Variants in CABIN1 observed in about 807,000 individuals in gnomAD.
The protein encoded by CABIN1 is calcineurin-binding protein cabin-1.
A neutral mutation model predicts 227.7 loss-of-function variants in CABIN1; 133 were observed. The observed-to-expected ratio is 0.58, with a 90% CI of 0.51 to 0.67. CABIN1 has a LOEUF of 0.67. Among genes scored for constraint, CABIN1 ranks in the 30% least tolerant of loss-of-function variants. The pLI, the probability that CABIN1 is intolerant of heterozygous loss-of-function variation, is 0.00. For missense variants in CABIN1, 2,408 were observed against 2,852.5 expected (o/e 0.84, Z 3.55); for synonymous variants, 1,086 against 1,155.1 (o/e 0.94, Z 1.21).
At chr22:24,176,552 G>A (rs112350645) in intron 35 of CABIN1, among the ~76,000 whole-genome samples, 6 of 152,268 alleles carry the variant, frequency 3.9e-5, no homozygotes, top group Non-Finnish European at 5.9e-5. Flanking sequence ...GGGTACTAGC[G>A]AGGGCAGGCG....
chr22:24,018,784 A>G (rs2035488114), intron 1 of CABIN1, among the ~76,000 whole-genome samples: 2 of 151,946 alleles, frequency 1.3e-5, no homozygotes, highest in Non-Finnish European at 2.9e-5. Flanking sequence ...GAATTTTAGT[A>G]TCAACTTGTC....
chr22:24,163,831 A>T (rs868428238), intron 29 of CABIN1, among the ~76,000 whole-genome samples: 6 of 152,302 alleles, frequency 3.9e-5, no homozygotes, highest in Middle Eastern at 6.8e-3. Context: ...CCCCAAAGTC[A>T]ACTTTGCCCT....
chr22:24,032,064 G>A (rs1034373803), intron 1 of CABIN1, among the ~76,000 whole-genome samples: 1 of 152,184 alleles, frequency 6.6e-6, no homozygotes, highest in Non-Finnish European at 1.5e-5. Flanking sequence ...TCACATTGTT[G>A]TGTTACCATC....
Position 24,091,617 on chromosome 22 carries a change from C to G in CABIN1, c.3560C>G (p.Ala1187Gly). ...EGRRDSMLET[A>G]KHCFTSAARC... ...CGGCGCGACAGCATGCTAGAGACAG[C>G]CAAGCACTGTTTCACATCAGCAGCC... Residue 1187 changes from alanine to glycine, a missense_variant, in exon 24 of 37, where the codon GCC becomes GGC. Around this residue, in one of 3 missense-constraint regions of CABIN1, gnomAD observed 649 missense variants for 910.3 expected, o/e 0.71. Transcript: ENST00000263119. 6.2e-7 allele frequency: 1 copy of G among 1,614,220 alleles called. No homozygotes were observed. The highest frequency in any genetic ancestry group is 1.1e-5 in the South Asian group (1 of 91,088).
rs2041059403 is a variant in CABIN1, at chr22:24,084,995, T to TCA, written c.3118-9_3118-8dup. 1 of 1,614,092 alleles carries TCA rather than the reference T, an allele frequency of 6.2e-7. No individual in the cohort carries two copies. The highest frequency in any genetic ancestry group is 1.3e-5 in the African/African-American group (1 of 74,926). On this transcript the variant is annotated splice_polypyrimidine_tract_variant and intron_variant, in intron 21 of 36. Coordinates refer to ENST00000263119, the MANE Select transcript of CABIN1 (RefSeq NM_012295.4). ...TCCACCTCCCCTCATACTTTTCCTCTCACCTGCCAGGTACCCTGCCTCCCA... is the reference window on the plus strand; with the variant it reads ...TCCACCTCCCCTCATACTTTTCCTCTCACACCTGCCAGGTACCCTGCCTCCCA...
In CABIN1 at chr22:24,056,379, G is replaced by A. The variant is rs757655490; in HGVS notation, c.1262+19G>A. On this transcript the variant is annotated intron_variant, in intron 10 of 36. Coordinates refer to ENST00000263119, the MANE Select transcript of CABIN1 (RefSeq NM_012295.4). ...CGTCCAGGTACTGTGTATTTTTTCT[G>A]ATTGTCAGAAACAAACCCACAAAGC... 1.2e-6 allele frequency: 2 copies of A among 1,613,166 alleles called. No individual in the cohort carries two copies. The highest frequency in any genetic ancestry group is 1.7e-6 in the Non-Finnish European group (2 of 1,179,376).
Position 24,084,689 on chromosome 22 carries a change from C to T in CABIN1, c.3021C>T (p.Asn1007=). The change falls in exon 21 of 37, where the codon AAC becomes AAT. Residue 1007 remains asparagine (N), a synonymous_variant. Transcript: ENST00000263119. ...GCACCGTGTCTGCTGACTTGGCCAA[C>T]CTACTGAAGAGAATTGCCACCATTG... is the stretch of plus-strand genomic sequence containing the variant. ...KTSTVSADLA[N]LLKRIATIVP... The T allele has an allele frequency of 6.2e-7, 1 of 1,614,178 alleles. No homozygotes were observed. The highest frequency in any genetic ancestry group is 8.5e-7 in the Non-Finnish European group (1 of 1,180,030).
At chr22:24,110,207 T>C (rs973485768) in intron 26 of CABIN1, among the ~76,000 whole-genome samples, 21 of 152,234 alleles carry the variant, frequency 1.4e-4, no homozygotes, top group Admixed American at 1.2e-3. Context: ...TCTCTACTAT[T>C]GGTTTATTAT....
chr22:24,071,080 C>T, intron 17 of CABIN1, 38 bp downstream of exon 17: 1 of 1,613,976 alleles, frequency 6.2e-7, no homozygotes, highest in South Asian at 1.1e-5. Context: ...CCTGCCCCAG[C>T]AGGTATGTCT....
In CABIN1 at chr22:24,121,633, G is replaced by A. The variant is rs1411118431; in HGVS notation, c.4632+1935G>A. On this transcript the variant is annotated intron_variant, in intron 28 of 36. Coordinates refer to ENST00000263119, the MANE Select transcript of CABIN1 (RefSeq NM_012295.4). ...GTCCTCACTGCTGAAGCCGTCTTTG[G>A]GCCTGAGGGGCAATGGCTGATATGA... Among the ~76,000 whole-genome samples, 4 of 152,302 alleles carry A rather than the reference G, an allele frequency of 2.6e-5. No individual in the cohort carries two copies. In the East Asian group the frequency reaches 7.7e-4, roughly 29 times the overall value.
intron 29 of CABIN1, among the ~76,000 whole-genome samples, chr22:24,150,240 T>C (rs2045402252): frequency 6.6e-6 from 1 of 152,236 alleles, no homozygotes; most frequent in African/African-American, 2.4e-5. Flanking sequence ...CTGAGTGTAC[T>C]ACTGTGTGAG....
At chr22:24,086,730 C>G (rs1320110437) in intron 22 of CABIN1, among the ~76,000 whole-genome samples, 1 of 152,216 alleles carries the variant, frequency 6.6e-6, no homozygotes, top group Non-Finnish European at 1.5e-5. Context: ...GTCTTGGTGT[C>G]TCTGTGGCCA....
chr22:24,105,710 C>G (rs373174434), intron 26 of CABIN1, among the ~76,000 whole-genome samples: 3 of 152,186 alleles, frequency 2.0e-5, no homozygotes, highest in Non-Finnish European at 2.9e-5. Flanking sequence ...AGAGGCTTTC[C>G]ATCTGTCTCT....
At chr22:24,170,662 G>A (rs1471664988) in intron 33 of CABIN1, among the ~76,000 whole-genome samples, 2 of 152,064 alleles carry the variant, frequency 1.3e-5, no homozygotes, top group Non-Finnish European at 2.9e-5. Flanking sequence ...GAGTCCACAG[G>A]GGCCCGTCCT....
At chr22:24,116,938 G>A (rs1474659120) in intron 27 of CABIN1, among the ~76,000 whole-genome samples, 1 of 152,236 alleles carries the variant, frequency 6.6e-6, no homozygotes. Context: ...AGAGCAGCCA[G>A]AACACACATT....
chr22:24,155,732 C>A (rs907694233), intron 29 of CABIN1: 7 of 340,226 alleles, frequency 2.1e-5, no homozygotes, highest in African/African-American at 1.5e-4. Context: ...GGGGATATAA[C>A]CCTCACACAC....
chr22:24,058,714 C>T (rs2038978523), intron 10 of CABIN1, among the ~76,000 whole-genome samples: 1 of 152,238 alleles, frequency 6.6e-6, no homozygotes, highest in South Asian at 2.1e-4. Context: ...CTGTTCTTGT[C>T]CTGCATCTTT....
intron 29 of CABIN1, chr22:24,156,498 A>G (rs2045824548): frequency 6.0e-6 from 1 of 166,572 alleles, no homozygotes; most frequent in Non-Finnish European, 1.3e-5. Context: ...GCGCTGCGCG[A>G]AAGCGAAAGC....
At chr22:24,146,988 C>T (rs1014159198) in intron 29 of CABIN1, among the ~76,000 whole-genome samples, 4 of 152,192 alleles carry the variant, frequency 2.6e-5, no homozygotes, top group East Asian at 3.8e-4. Context: ...GCCTCCATGC[C>T]GGAGTTTCTG....
Sources: allele counts gnomAD v4.1 joint callset (sites outside exome capture counted in the v4.1 genomes callset), GRCh38; gene constraint gnomAD v4.1.1; regional missense constraint gnomAD v4.1.1; transcripts MANE v1.5; gene names NCBI Gene and HGNC (gene_info 2026-07-23, HGNC 2026-07-21).